The following ARHGAP25 variants were observed in gnomAD, a reference collection of about 807,000 sequenced individuals.
ARHGAP25 encodes Rho GTPase activating protein 25.
Under a neutral mutation model 71.0 loss-of-function variants are expected in ARHGAP25, and 34 were observed. That is an observed-to-expected ratio of 0.48 (90% CI 0.36 to 0.64). The LOEUF (loss-of-function observed/expected upper bound fraction) is 0.64, where lower values mean the gene tolerates loss of function less well. ARHGAP25 is among the 30% of genes least tolerant of loss of function. ARHGAP25 has a pLI of 0.00. For missense variants in ARHGAP25, 706 were observed against 805.1 expected, an observed-to-expected ratio of 0.88 and a Z score of 1.49; for synonymous variants, 282 against 296.5, an observed-to-expected ratio of 0.95 and a Z score of 0.50.
intron 1 of ARHGAP25, chr2:68,774,903 C>A: frequency 7.3e-7 from 1 of 1,368,078 alleles, no homozygotes; most frequent in Non-Finnish European, 9.4e-7. Flanking sequence ...GTGGCCACTT[C>A]CTCTTCAGAA....
chr2:68,763,474 C>T (rs188481904), intron 1 of ARHGAP25, among the ~76,000 whole-genome samples: 9 of 152,298 alleles, frequency 5.9e-5, no homozygotes, highest in Admixed American at 5.2e-4. Flanking sequence ...TCTTCCCTCC[C>T]CTTTTTTCGG....
At chr2:68,817,755 C>T (rs1228144082) in intron 7 of ARHGAP25, 118 bp from the exon 8 acceptor site, 6 of 1,292,170 alleles carry the variant, frequency 4.6e-6, no homozygotes, top group Non-Finnish European at 5.4e-6. Flanking sequence ...AGGCTGGTCT[C>T]ATTCCTGAGT....
chr2:68,821,474 T>C (rs1417967681), intron 9 of ARHGAP25, among the ~76,000 whole-genome samples: 1 of 152,242 alleles, frequency 6.6e-6, no homozygotes, highest in Admixed American at 6.5e-5. Context: ...GGCAGATGTA[T>C]TTCTCAAATG....
intron 4 of ARHGAP25, among the ~76,000 whole-genome samples, chr2:68,794,586 A>G (rs1679408185): frequency 6.6e-6 from 1 of 152,106 alleles, no homozygotes; most frequent in Non-Finnish European, 1.5e-5. Flanking sequence ...ATTTGTGTAT[A>G]TTGAATCATC....
chr2:68,766,659 A>C (rs1677139015), intron 1 of ARHGAP25, among the ~76,000 whole-genome samples: 1 of 152,174 alleles, frequency 6.6e-6, no homozygotes, highest in African/African-American at 2.4e-5. Flanking sequence ...TCAGGTTTCC[A>C]GAGCTGCTGA....
At chr2:68,780,366 C>T (rs1678236432) in intron 2 of ARHGAP25, among the ~76,000 whole-genome samples, 1 of 152,174 alleles carries the variant, frequency 6.6e-6, no homozygotes, top group Admixed American at 6.5e-5. Flanking sequence ...CCAGACAGTG[C>T]TCCATCCTGC....
At chr2:68,758,997 TAAAC>T (rs1676650132) in intron 1 of ARHGAP25, among the ~76,000 whole-genome samples, 1 of 151,758 alleles carries the variant, frequency 6.6e-6, no homozygotes, top group Non-Finnish European at 1.5e-5. Context: ...AATACACTAT[TAAAC>T]AAACAATAGA....
intron 5 of ARHGAP25, among the ~76,000 whole-genome samples, chr2:68,813,024 G>A (rs1484703423): frequency 6.6e-6 from 1 of 152,184 alleles, no homozygotes; most frequent in Non-Finnish European, 1.5e-5. Flanking sequence ...ATTAAGGAAC[G>A]TTTAGTAAAA....
intron 1 of ARHGAP25, among the ~76,000 whole-genome samples, chr2:68,738,394 A>G (rs1297085326): frequency 6.6e-6 from 1 of 152,098 alleles, no homozygotes; most frequent in Non-Finnish European, 1.5e-5. Context: ...GTTTCAGGAG[A>G]ATCCTGAAAC....
chr2:68,737,978 A>G (rs1287815800), intron 1 of ARHGAP25, among the ~76,000 whole-genome samples: 3 of 152,198 alleles, frequency 2.0e-5, no homozygotes, highest in African/African-American at 7.2e-5. Flanking sequence ...ACCTGAGTCC[A>G]CTACCATGAG....
chr2:68,825,581 T>C (rs1260212128), intron 10 of ARHGAP25, among the ~76,000 whole-genome samples: 1 of 151,782 alleles, frequency 6.6e-6, no homozygotes, highest in Admixed American at 6.6e-5. Flanking sequence ...CTGGCTAACA[T>C]GGTGAAACCC....
At position 68,807,245 on chromosome 2, in the gene ARHGAP25, G is replaced by A. The variant is rs535300090; in HGVS notation, c.467-28G>A. On this transcript the variant is annotated intron_variant, in intron 4 of 10. Coordinates refer to ENST00000409202, the MANE Select transcript of ARHGAP25 (RefSeq NM_001007231.3). The stretch of plus-strand genomic sequence containing the variant: ...TTCATCCAAGGAAGCACAGAATGAC[G>A]GGCAGGTTCTGTTTGCTCTCTCCTC... 2.0e-4 allele frequency: 328 copies of A among 1,609,858 alleles called. 1 individual carries two copies. Among genetic ancestry groups the A allele is most frequent in the South Asian group, 3.6e-4 (33 of 90,916 alleles).
intron 1 of ARHGAP25, among the ~76,000 whole-genome samples, chr2:68,770,576 T>C (rs1161945612): frequency 6.6e-6 from 1 of 152,218 alleles, no homozygotes; most frequent in Non-Finnish European, 1.5e-5. Flanking sequence ...CTTCCTTCTT[T>C]AATTTTCCTT....
At chr2:68,727,006 A>T (rs1297496090) in intron 2 of ARHGAP25, among the ~76,000 whole-genome samples, 1 of 152,174 alleles carries the variant, frequency 6.6e-6, no homozygotes, top group South Asian at 2.1e-4. Flanking sequence ...TTTTAAAAAG[A>T]TATAGACTAT....
chr2:68,775,400 G>A lies in ARHGAP25; in HGVS notation c.241G>A (p.Glu81Lys). 1 of 1,614,240 alleles carries A rather than the reference G, an allele frequency of 6.2e-7. No homozygotes were observed. The highest frequency in any genetic ancestry group is 8.5e-7 in the Non-Finnish European group (1 of 1,180,042). ...GCAGCAGCTCTACTACTACAAGGAT[G>A]AAGAGGACACGAAGCCCCAGGTACC... is the stretch of plus-strand genomic sequence containing the variant. ...RAQQLYYYKD[E>K]EDTKPQGCMY... The change falls in exon 2 of 11, where the codon GAA (glutamate) becomes AAA (lysine). Residue 81 changes from glutamate (E) to lysine (K), a missense_variant. Transcript: ENST00000409202.
chr2:68,729,706 C>G (rs1674968495), intron 2 of ARHGAP25, among the ~76,000 whole-genome samples: 1 of 152,146 alleles, frequency 6.6e-6, no homozygotes, highest in African/African-American at 2.4e-5. Context: ...AACCGTAGAA[C>G]TTTTTCATGT....
At chr2:68,823,895 C>T (rs780253289) in intron 10 of ARHGAP25, among the ~76,000 whole-genome samples, 6 of 152,202 alleles carry the variant, frequency 3.9e-5, no homozygotes, top group Admixed American at 2.0e-4. Context: ...TTTCACACTA[C>T]TGATTGGCTG....
chr2:68,748,848 TG>T (rs1341513747), intron 1 of ARHGAP25, among the ~76,000 whole-genome samples: 8 of 152,224 alleles, frequency 5.3e-5, no homozygotes, highest in Admixed American at 5.2e-4. Context: ...GGGTATGTCT[TG>T]CTCCTATAAT....
chr2:68,821,092 CTTTTT>C (rs34119311), intron 9 of ARHGAP25, among the ~76,000 whole-genome samples: 3,514 of 99,480 alleles, frequency 0.035, 23 homozygotes, highest in Non-Finnish European at 0.049. Context: ...CTTTTTCTTT[CTTTTT>C]TTTTTTTTTT....
Sources: gnomAD v4.1 joint callset for allele counts (sites outside exome capture counted in the v4.1 genomes callset) on GRCh38, gnomAD v4.1.1 for gene constraint, MANE v1.5 for transcripts, NCBI Gene and HGNC (gene_info 2026-07-23, HGNC 2026-07-21) for gene names.